The following CEP112 variants were observed in gnomAD, a reference collection of about 807,000 sequenced individuals.
CEP112 encodes the protein centrosomal protein 112.
CEP112 carries 127 observed loss-of-function variants against 153.0 expected under a neutral mutation model. That is an observed-to-expected ratio of 0.83 (90% CI 0.72 to 0.96). The LOEUF is 0.96. Among genes scored for constraint, CEP112 ranks in the 40% least tolerant of loss-of-function variants. CEP112 has a pLI of 0.00. For missense variants in CEP112, 1,089 were observed against 1,101.2 expected (o/e 0.99, Z 0.16); for synonymous variants, 358 against 374.4 (o/e 0.96, Z 0.51).
intron 17 of CEP112, among the ~76,000 whole-genome samples, chr17:65,991,180 T>C (rs2063580938): frequency 6.6e-6 from 1 of 152,224 alleles, no homozygotes; most frequent in Non-Finnish European, 1.5e-5. Context: ...TTAAATAATT[T>C]AACTATAATA....
chr17:65,635,719 C>T lies in CEP112; in HGVS notation c.*252G>A, dbSNP rs776041187. Reference sequence around the variant, plus strand: ...ATCACTTTGCCCAATATAAGCAGTTCTCAGCACATACTCAAATGCACACAA... The same window carrying T: ...ATCACTTTGCCCAATATAAGCAGTTTTCAGCACATACTCAAATGCACACAA... On this transcript the variant is annotated 3_prime_UTR_variant, in exon 27 of 27. Transcript: ENST00000535342. The T allele has an allele frequency of 9.7e-5, 53 of 548,460 alleles. No individual in the cohort carries two copies. The highest frequency in any genetic ancestry group is 1.6e-4 in the Non-Finnish European group (50 of 313,270). 34.0% of individuals were successfully genotyped at this position (548,460 alleles called of 1,614,324 possible). A position where few individuals can be genotyped will look rare whatever the true frequency, so the allele number is the denominator to read the frequency against.
At chr17:66,140,014 T>C (rs1309173248) in intron 4 of CEP112, among the ~76,000 whole-genome samples, 1 of 152,142 alleles carries the variant, frequency 6.6e-6, no homozygotes, top group East Asian at 1.9e-4. Context: ...ATAACATAGA[T>C]GCAAAAATCC....
At chr17:65,989,136 G>C (rs2063502604) in intron 17 of CEP112, among the ~76,000 whole-genome samples, 1 of 151,336 alleles carries the variant, frequency 6.6e-6, no homozygotes, top group Non-Finnish European at 1.5e-5. Context: ...TTGGGAGGCT[G>C]AGGCAGAAGA....
chr17:65,947,007 A>G (rs889266209), intron 18 of CEP112, among the ~76,000 whole-genome samples: 2 of 152,174 alleles, frequency 1.3e-5, no homozygotes, highest in Non-Finnish European at 2.9e-5. Context: ...AGGTACGAAT[A>G]AAATGTATTT....
intron 20 of CEP112, among the ~76,000 whole-genome samples, chr17:65,869,351 A>T (rs2146479789): frequency 6.6e-6 from 1 of 152,266 alleles, no homozygotes; most frequent in Middle Eastern, 3.4e-3. Flanking sequence ...TAGTAATTGG[A>T]AATGAAATCA....
chr17:66,133,889 T>C (rs2070312814), intron 4 of CEP112, among the ~76,000 whole-genome samples: 1 of 152,178 alleles, frequency 6.6e-6, no homozygotes, highest in Non-Finnish European at 1.5e-5. Flanking sequence ...GACTAGTTAA[T>C]AAGTAATGTA....
At chr17:65,701,777 A>C (rs1286864072) in intron 23 of CEP112, among the ~76,000 whole-genome samples, 1 of 152,132 alleles carries the variant, frequency 6.6e-6, no homozygotes, top group African/African-American at 2.4e-5. Flanking sequence ...GATCAATGAC[A>C]AAGTCATTCA....
intron 12 of CEP112, among the ~76,000 whole-genome samples, chr17:66,031,631 G>C (rs2065489607): frequency 6.6e-6 from 1 of 151,788 alleles, no homozygotes; most frequent in Non-Finnish European, 1.5e-5. Context: ...GCTAATTTTT[G>C]TACCTTTTTT....
intron 6 of CEP112, among the ~76,000 whole-genome samples, chr17:66,108,469 T>C (rs987419908): frequency 2.0e-5 from 3 of 152,112 alleles, no homozygotes; most frequent in Admixed American, 6.6e-5. Context: ...AATAGACATG[T>C]CTTAAAAGAA....
intron 12 of CEP112, among the ~76,000 whole-genome samples, chr17:66,031,948 C>T (rs1450827263): frequency 6.6e-6 from 1 of 152,122 alleles, no homozygotes; most frequent in Admixed American, 6.6e-5. Context: ...GACACAAGAT[C>T]CCTCAGAAAA....
chr17:65,793,268 A>C (rs539926225), intron 21 of CEP112, among the ~76,000 whole-genome samples: 76 of 152,274 alleles, frequency 5.0e-4, no homozygotes, highest in African/African-American at 1.8e-3. Flanking sequence ...TCTCACTTAT[A>C]AGTGGGAGCT....
At chr17:65,956,883 AC>A (rs2144705898) in intron 18 of CEP112, among the ~76,000 whole-genome samples, 1 of 152,256 alleles carries the variant, frequency 6.6e-6, no homozygotes, top group East Asian at 1.9e-4. Flanking sequence ...ATGTTCTAAG[AC>A]CCTCAGTGGA....
At position 66,184,770 on chromosome 17, in the gene CEP112, T is replaced by C. The variant is rs547140557; in HGVS notation, c.-8-1463A>G. Among the ~76,000 whole-genome samples, 71 of 152,000 alleles carry C rather than the reference T, an allele frequency of 4.7e-4. No individual in the cohort carries two copies. The South Asian group carries it at 5.8e-3, about 12-fold the overall frequency. ...GTATTTAGCTAAGTGAAAAGAAAAA[T>C]CTATATACACAAAAAAATCCAAATG... On this transcript the variant is annotated intron_variant, in intron 1 of 26. Transcript: ENST00000535342.
At chr17:66,086,851 C>A (rs76063471) in intron 8 of CEP112, among the ~76,000 whole-genome samples, 1,820 of 152,064 alleles carry the variant, frequency 0.012, 24 homozygotes, top group Non-Finnish European at 0.017. Context: ...CCCAAAATGT[C>A]TTTAATAAAA....
chr17:65,918,893 T>C (rs1326702368), intron 19 of CEP112, among the ~76,000 whole-genome samples: 1 of 152,208 alleles, frequency 6.6e-6, no homozygotes, highest in Non-Finnish European at 1.5e-5. Flanking sequence ...TTCATTACAG[T>C]TCCTGGCACG....
intron 18 of CEP112, among the ~76,000 whole-genome samples, chr17:65,948,614 C>T (rs186975457): frequency 2.1e-4 from 32 of 151,330 alleles, no homozygotes; most frequent in Non-Finnish European, 3.5e-4. Flanking sequence ...ATAATTCTAA[C>T]GATAATGCAT....
chr17:66,070,600 T>C (rs1314654199), intron 8 of CEP112, among the ~76,000 whole-genome samples: 1 of 152,090 alleles, frequency 6.6e-6, no homozygotes, highest in African/African-American at 2.4e-5. Flanking sequence ...TTAACTTCTA[T>C]CCTCTCCAAA....
At chr17:66,098,609 T>A (rs965603337) in intron 6 of CEP112, among the ~76,000 whole-genome samples, 9 of 152,216 alleles carry the variant, frequency 5.9e-5, no homozygotes, top group Non-Finnish European at 8.8e-5. Flanking sequence ...ATAGACAGGA[T>A]ATAAAGTATA....
At chr17:66,178,477 A>G (rs1188086837) in intron 2 of CEP112, among the ~76,000 whole-genome samples, 2 of 152,120 alleles carry the variant, frequency 1.3e-5, no homozygotes, top group Non-Finnish European at 2.9e-5. Flanking sequence ...TGTCAGATGA[A>G]TAGTTTGAAA....
Sources: gnomAD v4.1 joint callset for allele counts (sites outside exome capture counted in the v4.1 genomes callset) on GRCh38, gnomAD v4.1.1 for gene constraint, MANE v1.5 for transcripts, NCBI Gene and HGNC (gene_info 2026-07-23, HGNC 2026-07-21) for gene names.